Variants in ZMIZ2 observed in about 807,000 individuals in gnomAD.
ZMIZ2 encodes zinc finger MIZ domain-containing protein 2.
In ZMIZ2, 26 loss-of-function variants were observed where a neutral mutation model predicts 93.9. The observed-to-expected ratio is 0.28, with a 90% CI of 0.20 to 0.38. The LOEUF (loss-of-function observed/expected upper bound fraction) is 0.38. Ranked by LOEUF, ZMIZ2 falls within the 10% of genes least tolerant of loss-of-function variation. The pLI, the probability that ZMIZ2 is intolerant of heterozygous loss-of-function variation, is 1.00. For synonymous variants in ZMIZ2, 485 were observed against 516.4 expected, an observed-to-expected ratio of 0.94 and a Z score of 0.82; for missense variants, 1,023 against 1,235.0, an observed-to-expected ratio of 0.83 and a Z score of 2.57.
chr7:44,767,418 T>C, intron 18 of ZMIZ2, 98 bp from the exon 19 acceptor site: 1 of 1,067,710 alleles, frequency 9.4e-7, no homozygotes, highest in Non-Finnish European at 1.4e-6. Context: ...GCATCCCCAC[T>C]GTGCCTGGAG....
chr7:44,757,362 C>G lies in ZMIZ2; in HGVS notation c.369-16C>G. ...GAGCCCACGCAGAGAGCGTGGCAAT[C>G]CTGTGTCTCCTGCAGGTATGCAGGC... On this transcript the variant is annotated splice_polypyrimidine_tract_variant and intron_variant, in intron 4 of 18. Transcript: ENST00000309315. The G allele has an allele frequency of 5.0e-6, 8 of 1,595,612 alleles. No individual in the cohort carries two copies. The highest frequency in any genetic ancestry group is 6.8e-6 in the Non-Finnish European group (8 of 1,176,818).
intron 1 of ZMIZ2, among the ~76,000 whole-genome samples, chr7:44,753,520 A>G (rs760927061): frequency 1.8e-4 from 27 of 152,340 alleles, no homozygotes; most frequent in East Asian, 5.8e-4. Context: ...TGCTGGGATT[A>G]TAAGTGTGAG....
chr7:44,756,800 G>T, intron 3 of ZMIZ2, 147 bp from the exon 4 acceptor site: 1 of 1,034,856 alleles, frequency 9.7e-7, no homozygotes, highest in Non-Finnish European at 1.4e-6. Flanking sequence ...GTGGACAGCT[G>T]CTTTCCCTGC....
Position 44,756,256 on chromosome 7 carries a change from T to G in ZMIZ2, c.7T>G (p.Ser3Ala). Residue 3 changes from serine (S) to alanine (A), a missense_variant, in exon 2 of 19, where the codon TCC becomes GCC. By Grantham distance (99) the Ser-to-Ala change is moderately conservative. This residue lies in a region of ZMIZ2 where 656 missense variants were observed against 777.1 expected (regional missense o/e 0.84). Coordinates refer to ENST00000309315, the MANE Select transcript of ZMIZ2 (RefSeq NM_031449.4). Reference protein sequence around the residue: MNSMNPMKPALPP... With the variant: MNAMNPMKPALPP... ...GTAGGCTGCTCCATTGCCAATGAAC[T>G]CCATGAACCCCATGAAACCTGCCCT... The G allele has an allele frequency of 6.2e-7, 1 of 1,613,952 alleles. No individual in the cohort carries two copies. The highest frequency in any genetic ancestry group is 8.5e-7 in the Non-Finnish European group (1 of 1,179,984).
chr7:44,766,370 C>T lies in ZMIZ2; in HGVS notation c.2412+37C>T. The T allele has an allele frequency of 1.2e-6, 2 of 1,610,550 alleles. No homozygotes were observed. The highest frequency in any genetic ancestry group is 1.7e-6 in the Non-Finnish European group (2 of 1,177,618). On this transcript the variant is annotated intron_variant, in intron 17 of 18. Transcript: ENST00000309315. This position sits in a 1 kb window ranked among gnomAD's most constrained non-coding sequence, Gnocchi z 4.4. ...GCCGAGAGGCCAAGGGGCCCTGTCT[C>T]CCCAGGGGAGCCCCTGAGCTGTTTT... is the stretch of plus-strand genomic sequence containing the variant.
At chr7:44,759,548 C>T (rs151147383) in intron 7 of ZMIZ2, 88 bp downstream of exon 7, 30 of 1,235,446 alleles carry the variant, frequency 2.4e-5, no homozygotes, top group Admixed American at 3.9e-5. Context: ...TCCTCGAGAG[C>T]GACAGGGTGG....
rs754454749 is a variant in ZMIZ2 at position 44,766,138 on chromosome 7, C to G, written c.2243-26C>G. The G allele has an allele frequency of 1.3e-6, 2 of 1,590,858 alleles. No homozygotes were observed. Among genetic ancestry groups the G allele is most frequent in the African/African-American group, 2.7e-5 (2 of 74,294 alleles). ...CAGCGGTGGCCTTCCCCAGCCCTCA[C>G]CCAGGCCCCGACTCTCCTCTCACAG... On this transcript the variant is annotated intron_variant, in intron 16 of 18. Coordinates refer to ENST00000309315, the MANE Select transcript of ZMIZ2 (RefSeq NM_031449.4). This position sits in a 1 kb window ranked among gnomAD's most constrained non-coding sequence, Gnocchi z 4.4.
chr7:44,763,574 C>T lies in ZMIZ2; in HGVS notation c.1860+161C>T, dbSNP rs1308376299. The T allele has an allele frequency of 5.5e-6, 5 of 909,260 alleles. No homozygotes were observed. Among genetic ancestry groups the T allele is most frequent in the Non-Finnish European group, 8.1e-6 (5 of 614,148 alleles). 56.3% of individuals were successfully genotyped at this position (909,260 alleles called of 1,614,324 possible). Reference sequence around the variant, plus strand: ...GCCAAGGAGGCAGGTGGGCCTGGCTCCCCCAAGACTAGGCTATTTTTTCTT... The same window carrying T: ...GCCAAGGAGGCAGGTGGGCCTGGCTTCCCCAAGACTAGGCTATTTTTTCTT... On this transcript the variant is annotated intron_variant, in intron 13 of 18. Transcript: ENST00000309315. The surrounding 1 kb of genome is among the most constrained non-coding windows in gnomAD (Gnocchi z 5.6).
At position 44,768,919 on chromosome 7, in the gene ZMIZ2, G is replaced by A. The variant is rs1289871193; in HGVS notation, c.*1296G>A. The A allele has an allele frequency of 6.6e-6, 1 of 152,526 alleles. No individual in the cohort carries two copies. Among genetic ancestry groups the A allele is most frequent in the Non-Finnish European group, 1.5e-5 (1 of 68,058 alleles). The allele number at this position is 152,526 out of a possible 1,614,324, so 9.4% of individuals were successfully genotyped here. ...CCTTTTCCCTGGAATTTTCCAAGTT[G>A]GCTTCAGCTGAAGAGCTGTTTTGTG... On this transcript the variant is annotated 3_prime_UTR_variant, in exon 19 of 19. Coordinates refer to ENST00000309315, the MANE Select transcript of ZMIZ2 (RefSeq NM_031449.4).
chr7:44,765,941 A>G lies in ZMIZ2; in HGVS notation c.2243-223A>G. 5 of 1,369,572 alleles carry G rather than the reference A, an allele frequency of 3.7e-6. No individual in the cohort carries two copies. The highest frequency in any genetic ancestry group is 2.8e-5 in the East Asian group (1 of 35,730). 84.8% of individuals were successfully genotyped at this position (1,369,572 alleles called of 1,614,324 possible). The stretch of plus-strand genomic sequence containing the variant: ...TTTGTTTGTGGCTGCTCCCATTCCT[A>G]TAACCTCCGAGACCTTCACTCCTAG... On this transcript the variant is annotated intron_variant, in intron 16 of 18. Transcript: ENST00000309315. The surrounding 1 kb of genome is among the most constrained non-coding windows in gnomAD (Gnocchi z 4.1).
chr7:44,760,327 AC>A, intron 8 of ZMIZ2, 97 bp from the exon 9 acceptor site: 1 of 1,570,006 alleles, frequency 6.4e-7, no homozygotes, highest in East Asian at 2.3e-5. Flanking sequence ...CCTCCTGTCC[AC>A]CTCTGTTATC....
chr7:44,749,059 GGCAGGTGCGGCAGGTGCGGGCC>G (rs1789888580), intron 1 of ZMIZ2, 68 bp downstream of exon 1: 1 of 152,288 alleles, frequency 6.6e-6, no homozygotes, highest in Non-Finnish European at 1.5e-5. Flanking sequence ...GGCGGGGGCA[GGCAGGTGCGGCAGGTGCGGGCC>G]GGCAGGTGCG....
chr7:44,749,027 C>G (rs1365904251), intron 1 of ZMIZ2, 36 bp downstream of exon 1: 1 of 151,928 alleles, frequency 6.6e-6, no homozygotes, highest in Non-Finnish European at 1.5e-5. Flanking sequence ...CTGGCAACGC[C>G]GCCAGCAGGC....
At chr7:44,749,247 G>A (rs1789917938) in intron 1 of ZMIZ2, among the ~76,000 whole-genome samples, 1 of 152,170 alleles carries the variant, frequency 6.6e-6, no homozygotes, top group Admixed American at 6.5e-5. Flanking sequence ...TCGGCCCCGT[G>A]GGCGTCAGGG....
In ZMIZ2 at chr7:44,767,771, C is replaced by T; in HGVS notation, c.*148C>T. On this transcript the variant is annotated 3_prime_UTR_variant, in exon 19 of 19. Coordinates refer to ENST00000309315, the MANE Select transcript of ZMIZ2 (RefSeq NM_031449.4). ...GAGCCAGAGCCTTCTGCCGCCAGCC[C>T]TGCCCCTGAATTGGAAGCAGCCCTG... 1.4e-6 allele frequency: 1 copy of T among 718,578 alleles called. No homozygotes were observed. The highest frequency in any genetic ancestry group is 2.4e-6 in the Non-Finnish European group (1 of 424,432). 44.5% of individuals were successfully genotyped at this position (718,578 alleles called of 1,614,324 possible). A position where few individuals can be genotyped will look rare whatever the true frequency, so the allele number is the denominator to read the frequency against.
Position 44,760,346 on chromosome 7 carries a change from C to T in ZMIZ2, c.1072-79C>T, listed in dbSNP as rs367592946. ...CTGTCCACCTCTGTTATCATGGTTC[C>T]CAGTGGGTGCGCCGTGAACAGACTC... is the stretch of plus-strand genomic sequence containing the variant. On this transcript the variant is annotated intron_variant, in intron 8 of 18. Transcript: ENST00000309315. The T allele has an allele frequency of 3.5e-4, 546 of 1,578,922 alleles. 6 individuals carry two copies. In the African/African-American group the frequency reaches 6.5e-3, roughly 19 times the overall value.
At position 44,763,418 on chromosome 7, in the gene ZMIZ2, G is replaced by A; in HGVS notation, c.1860+5G>A. 6.2e-7 allele frequency: 1 copy of A among 1,613,914 alleles called. No homozygotes were observed. On this transcript the variant is annotated splice_donor_5th_base_variant and intron_variant, in intron 13 of 18. Transcript: ENST00000309315. The surrounding 1 kb of genome is among the most constrained non-coding windows in gnomAD (Gnocchi z 5.6). Reference sequence around the variant, plus strand: ...CATGACTGTCGCCACATACAGGTAGGTGGTTACTGCAGAGTCTTGCCGGAA... The same window carrying A: ...CATGACTGTCGCCACATACAGGTAGATGGTTACTGCAGAGTCTTGCCGGAA...
At position 44,757,905 on chromosome 7, in the gene ZMIZ2, C is replaced by T; in HGVS notation, c.610C>T (p.Pro204Ser). The T allele has an allele frequency of 1.2e-6, 2 of 1,608,184 alleles. No individual in the cohort carries two copies. The highest frequency in any genetic ancestry group is 8.5e-7 in the Non-Finnish European group (1 of 1,176,852). Residue 204 changes from proline to serine, a missense_variant, in exon 6 of 19, where the codon CCT becomes TCT. This residue lies in a region of ZMIZ2 where 656 missense variants were observed against 777.1 expected (regional missense o/e 0.84). Transcript: ENST00000309315. ...TCTGCAGCATGGAGGTCCCCGGGGGCCTAGTGTCCCCGCTGGCATGAACCC... is the reference window on the plus strand; with the variant it reads ...TCTGCAGCATGGAGGTCCCCGGGGGTCTAGTGTCCCCGCTGGCATGAACCC... ...QFLQHGGPRG[P>S]SVPAGMNPTG... is the part of the protein sequence containing the mutation.
rs1791926875 is a variant in ZMIZ2, at chr7:44,768,543, C to G, written c.*920C>G. Reference sequence around the variant, plus strand: ...AGCTGTGTTTTTTAAAGCCACCTCTCTGTCTCCACCCCATGGGCCCACACC... The same window carrying G: ...AGCTGTGTTTTTTAAAGCCACCTCTGTGTCTCCACCCCATGGGCCCACACC... On this transcript the variant is annotated 3_prime_UTR_variant, in exon 19 of 19. Transcript: ENST00000309315. 1 of 152,310 alleles carries G rather than the reference C, an allele frequency of 6.6e-6. No homozygotes were observed. Among genetic ancestry groups the G allele is most frequent in the African/African-American group, 2.4e-5 (1 of 41,470 alleles). The allele number at this position is 152,310 out of a possible 1,614,324, so 9.4% of individuals were successfully genotyped here.
Sources: allele counts gnomAD v4.1 joint callset (sites outside exome capture counted in the v4.1 genomes callset), GRCh38; gene constraint gnomAD v4.1.1; regional missense constraint gnomAD v4.1.1; non-coding constraint Gnocchi (gnomAD v3.1); transcripts MANE v1.5; gene names NCBI Gene and HGNC (gene_info 2026-07-23, HGNC 2026-07-21).